XRN1: variants seen among roughly 807,000 people sequenced by gnomAD.
XRN1 encodes 5'-3' exoribonuclease 1.
XRN1 carries 67 observed loss-of-function variants against 222.3 expected under a neutral mutation model. The ratio of observed to expected loss-of-function variants is 0.30; its 90% CI spans 0.25 to 0.37. The LOEUF is 0.37. Ranked by LOEUF, XRN1 falls within the 10% of genes least tolerant of loss-of-function variation. The pLI is 1.00. For missense variants in XRN1, 1,707 were observed against 2,000.2 expected (o/e 0.85, Z 2.80); for synonymous variants, 643 against 652.4 (o/e 0.99, Z 0.22).
At chr3:142,430,147 ATAGTTCTGCCACTGGTGAGT>A (rs2069459870) in intron 2 of XRN1, among the ~76,000 whole-genome samples, 1 of 152,184 alleles carries the variant, frequency 6.6e-6, no homozygotes, top group Admixed American at 6.5e-5. Context: ...GAATGTGGTA[ATAGTTCTGCCACTGGTGAGT>A]CAGTTCTGTA....
intron 15 of XRN1, among the ~76,000 whole-genome samples, chr3:142,411,642 G>A (rs1370297325): frequency 1.3e-5 from 2 of 151,596 alleles, no homozygotes; most frequent in Admixed American, 6.6e-5. Flanking sequence ...TTTAATTATC[G>A]TTCAGATCAA....
At chr3:142,320,619 A>T (rs2065327596) in intron 37 of XRN1, among the ~76,000 whole-genome samples, 1 of 152,042 alleles carries the variant, frequency 6.6e-6, no homozygotes, top group East Asian at 1.9e-4. Context: ...ATTAGTCATA[A>T]ATCTTTGTCT....
chr3:142,384,712 T>C, intron 20 of XRN1, 27 bp from the exon 21 acceptor site: 2 of 1,505,600 alleles, frequency 1.3e-6, no homozygotes, highest in Non-Finnish European at 1.8e-6. Context: ...ACATGAAATA[T>C]ACATATGAAT....
At chr3:142,406,980 T>C (rs1011089884) in intron 15 of XRN1, among the ~76,000 whole-genome samples, 3 of 152,218 alleles carry the variant, frequency 2.0e-5, no homozygotes, top group Admixed American at 6.5e-5. Context: ...GCCTTTTTAT[T>C]AGCATAATAA....
intron 23 of XRN1, among the ~76,000 whole-genome samples, chr3:142,378,011 A>T (rs2067192457): frequency 6.6e-6 from 1 of 152,202 alleles, no homozygotes; most frequent in Non-Finnish European, 1.5e-5. Flanking sequence ...GGGTGTGCTG[A>T]TACATAATGC....
intron 13 of XRN1, among the ~76,000 whole-genome samples, chr3:142,414,899 T>G (rs1043237521): frequency 6.6e-6 from 1 of 152,230 alleles, no homozygotes; most frequent in East Asian, 1.9e-4. Context: ...TCTCAAAATG[T>G]TGATAGTGAA....
At position 142,307,899 on chromosome 3, in the gene XRN1, C is replaced by T. The variant is rs904615802; in HGVS notation, c.*3612G>A. On this transcript the variant is annotated 3_prime_UTR_variant, in exon 41 of 41. Transcript: ENST00000392981. ...GCAATTGATTTTTAAAGACAGAGAA[C>T]GACTTTCACAGCCACTTCTCTACAA... The T allele has an allele frequency of 1.3e-5, 2 of 152,102 alleles. No homozygotes were observed. The highest frequency in any genetic ancestry group is 2.4e-5 in the African/African-American group (1 of 41,428). 9.4% of individuals were successfully genotyped at this position (152,102 alleles called of 1,614,324 possible). A position where few individuals can be genotyped will look rare whatever the true frequency, so the allele number is the denominator to read the frequency against.
chr3:142,426,628 A>G (rs76465435), intron 3 of XRN1, 116 bp downstream of exon 3: 19,781 of 924,034 alleles, frequency 0.021, 306 homozygotes, highest in East Asian at 0.062. Context: ...GGGAAAATAC[A>G]GTAAATGGAA....
intron 30 of XRN1, among the ~76,000 whole-genome samples, chr3:142,357,833 C>A (rs1241330415): frequency 6.6e-6 from 1 of 152,074 alleles, no homozygotes; most frequent in African/African-American, 2.4e-5. Flanking sequence ...GTCAGAAGTT[C>A]AAGACCAGCC....
intron 1 of XRN1, among the ~76,000 whole-genome samples, chr3:142,433,731 TAG>T (rs1203323795): frequency 1.3e-5 from 2 of 152,338 alleles, no homozygotes. Flanking sequence ...AATCTTAGAA[TAG>T]AGTCTGCCTT....
intron 1 of XRN1, among the ~76,000 whole-genome samples, chr3:142,439,525 T>C (rs1354626468): frequency 6.6e-6 from 1 of 152,148 alleles, no homozygotes. Flanking sequence ...CCTTTCTGGA[T>C]AGACTAAGAG....
At chr3:142,440,927 G>C (rs1241538855) in intron 1 of XRN1, among the ~76,000 whole-genome samples, 1 of 152,146 alleles carries the variant, frequency 6.6e-6, no homozygotes, top group Admixed American at 6.5e-5. Flanking sequence ...ATTTGGCTAG[G>C]AATTAGCCCA....
At position 142,366,729 on chromosome 3, in the gene XRN1, A is replaced by G. The variant is rs191610816; in HGVS notation, c.3205-1363T>C. On this transcript the variant is annotated intron_variant, in intron 27 of 40. Transcript: ENST00000392981. The stretch of plus-strand genomic sequence containing the variant: ...AGATGCACTAAAAGACTACAACAGC[A>G]AAAGGAAAGACTATGAAGAGATTTA... Among the ~76,000 whole-genome samples, 177 of 152,300 alleles carry G rather than the reference A, an allele frequency of 1.2e-3. 1 individual carries two copies. Among genetic ancestry groups the G allele is most frequent in the African/African-American group, 4.0e-3 (166 of 41,568 alleles).
intron 1 of XRN1, among the ~76,000 whole-genome samples, chr3:142,444,484 G>A (rs1380355832): frequency 6.6e-6 from 1 of 152,074 alleles, no homozygotes; most frequent in Non-Finnish European, 1.5e-5. Flanking sequence ...AGTGGCACAC[G>A]CCTAATCCCA....
At chr3:142,433,037 G>A in intron 1 of XRN1, 144 bp from the exon 2 acceptor site, 1 of 653,172 alleles carries the variant, frequency 1.5e-6, no homozygotes, top group Non-Finnish European at 2.5e-6. Flanking sequence ...AATCACAGAT[G>A]AATACAAAAA....
At chr3:142,336,235 A>T (rs2065847932) in intron 33 of XRN1, among the ~76,000 whole-genome samples, 1 of 152,178 alleles carries the variant, frequency 6.6e-6, no homozygotes, top group Admixed American at 6.6e-5. Flanking sequence ...GATGAAAAAT[A>T]TGAGGGGCAT....
chr3:142,326,733 T>TC (rs1354460362), intron 37 of XRN1, among the ~76,000 whole-genome samples: 1 of 152,128 alleles, frequency 6.6e-6, no homozygotes, highest in African/African-American at 2.4e-5. Flanking sequence ...ATTTCATTTT[T>TC]CCCCCATTCA....
chr3:142,374,973 CA>C (rs2067098565), intron 25 of XRN1, among the ~76,000 whole-genome samples: 1 of 152,136 alleles, frequency 6.6e-6, no homozygotes, highest in Non-Finnish European at 1.5e-5. Context: ...GTGAGACACC[CA>C]GCGAGAACAT....
rs561156230 is a variant in XRN1 at position 142,313,472 on chromosome 3, C to T, written c.4622-714G>A. Among the ~76,000 whole-genome samples the T allele has an allele frequency of 3.3e-5, 5 of 152,226 alleles. No homozygotes were observed. The Middle Eastern group carries it at 0.01, about 311-fold the overall frequency. ...CGATTCTTATGGAGACAGCCTGTACCAGTAGAGCATTTGAAAACTACATTA... is the reference window on the plus strand; with the variant it reads ...CGATTCTTATGGAGACAGCCTGTACTAGTAGAGCATTTGAAAACTACATTA... On this transcript the variant is annotated intron_variant, in intron 39 of 40. Coordinates refer to ENST00000392981, the MANE Select transcript of XRN1 (RefSeq NM_001282857.2).
Sources: gnomAD v4.1 joint callset for allele counts (sites outside exome capture counted in the v4.1 genomes callset) on GRCh38, gnomAD v4.1.1 for gene constraint, MANE v1.5 for transcripts, NCBI Gene and HGNC (gene_info 2026-07-23, HGNC 2026-07-21) for gene names.